PITPNM2: variants seen among roughly 807,000 people sequenced by gnomAD.
PITPNM2 encodes the protein membrane-associated phosphatidylinositol transfer protein 2.
A neutral mutation model predicts 132.2 loss-of-function variants in PITPNM2; 35 were observed. That is an observed-to-expected ratio of 0.26 (90% confidence interval 0.20 to 0.35). The LOEUF is 0.35. Among genes scored for constraint, PITPNM2 ranks in the 10% least tolerant of loss-of-function variants. The pLI, the probability that PITPNM2 is intolerant of heterozygous loss-of-function variation, is 1.00. For synonymous variants in PITPNM2, 738 were observed against 799.2 expected (o/e 0.92, Z 1.29); for missense variants, 1,332 against 1,912.0 (o/e 0.70, Z 5.66).
At position 122,999,900 on chromosome 12, in the gene PITPNM2, G is replaced by C. The variant is rs370607398; in HGVS notation, c.1224+878C>G. ...CAGGCCCCTTCTGCCCCTCCCCTGG[G>C]GGGGCGTCAGAGCTGTGTGTGCTGC... On this transcript the variant is annotated intron_variant, in intron 10 of 25. Transcript: ENST00000320201. 1.2e-3 allele frequency among the ~76,000 whole-genome samples: 188 copies of C among 152,320 alleles called. 1 individual carries two copies. Among genetic ancestry groups the C allele is most frequent in the Middle Eastern group, 0.01 (3 of 294 alleles).
At chr12:123,034,301 G>C (rs1032293773) in intron 3 of PITPNM2, 7 of 535,120 alleles carry the variant, frequency 1.3e-5, no homozygotes, top group East Asian at 2.9e-5. Context: ...CACAGTGCCG[G>C]AAAGCAATCT....
At chr12:123,096,936 A>G (rs1333263295) in intron 2 of PITPNM2, among the ~76,000 whole-genome samples, 2 of 152,220 alleles carry the variant, frequency 1.3e-5, no homozygotes, top group Admixed American at 1.3e-4. Context: ...AGGATGCTGG[A>G]CTGGTGCCAC....
chr12:123,024,171 T>C (rs2039771401), intron 3 of PITPNM2, among the ~76,000 whole-genome samples: 1 of 152,192 alleles, frequency 6.6e-6, no homozygotes, highest in Non-Finnish European at 1.5e-5. Context: ...AACGAGCAAA[T>C]GAAAAGATGC....
Position 122,992,671 on chromosome 12 carries a change from T to TG in PITPNM2, c.2234-3dup. The TG allele has an allele frequency of 6.7e-7, 1 of 1,498,040 alleles. No individual in the cohort carries two copies. The highest frequency in any genetic ancestry group is 9.0e-7 in the Non-Finnish European group (1 of 1,117,264). 92.8% of individuals were successfully genotyped at this position (1,498,040 alleles called of 1,614,324 possible). A position where few individuals can be genotyped will look rare whatever the true frequency, so the allele number is the denominator to read the frequency against. On this transcript the variant is annotated splice_polypyrimidine_tract_variant and splice_region_variant and intron_variant, in intron 15 of 25. Coordinates refer to ENST00000320201, the MANE Select transcript of PITPNM2 (RefSeq NM_020845.3). This position sits in a 1 kb window ranked among gnomAD's most constrained non-coding sequence, Gnocchi z 6.5. ...GGCAGGCCGGCCGCAGCTGGAAAAC[T>TG]GGGGGTGGGGGTGTTGGCTGCAGAG...
intron 2 of PITPNM2, among the ~76,000 whole-genome samples, chr12:123,049,286 C>T (rs2040781815): frequency 6.6e-6 from 1 of 152,190 alleles, no homozygotes; most frequent in Non-Finnish European, 1.5e-5. Context: ...GGTTCCATGC[C>T]TAGGACGCCC....
intron 1 of PITPNM2, among the ~76,000 whole-genome samples, chr12:123,137,538 C>A (rs996735882): frequency 2.6e-5 from 4 of 152,194 alleles, no homozygotes; most frequent in Non-Finnish European, 5.9e-5. Flanking sequence ...TGAATCCACA[C>A]AGCAGCCTTG....
At chr12:123,135,309 T>A (rs1616181) in intron 1 of PITPNM2, among the ~76,000 whole-genome samples, 101,508 of 151,978 alleles carry the variant, frequency 0.67, 36,858 homozygotes, top group East Asian at 0.97. Flanking sequence ...CTAGGAATAA[T>A]GTACTTTCAT....
intron 1 of PITPNM2, among the ~76,000 whole-genome samples, chr12:123,119,077 T>G (rs12317784): frequency 0.14 from 21,136 of 152,114 alleles, 4,837 homozygotes; most frequent in African/African-American, 0.48. Flanking sequence ...TCAGCGTTGA[T>G]GACAATAGCC....
intron 3 of PITPNM2, among the ~76,000 whole-genome samples, chr12:123,024,180 G>A (rs2039771705): frequency 6.6e-6 from 1 of 152,178 alleles, no homozygotes; most frequent in African/African-American, 2.4e-5. Context: ...ATGAAAAGAT[G>A]CTCAACATCA....
Position 123,082,836 on chromosome 12 carries a change from C to T in PITPNM2, c.-96+27549G>A, listed in dbSNP as rs1390633474. ...CCTTCTCCAGAACCAATTCACCTTC[C>T]CCAGCTGAACTCTACACATTAAACA... On this transcript the variant is annotated intron_variant, in intron 2 of 25. Transcript: ENST00000320201. This position sits in a 1 kb window ranked among gnomAD's most constrained non-coding sequence, Gnocchi z 5.4. The T allele has an allele frequency of 6.6e-6, 1 of 152,268 alleles. No homozygotes were observed. The highest frequency in any genetic ancestry group is 1.5e-5 in the Non-Finnish European group (1 of 68,086). 9.4% of individuals were successfully genotyped at this position (152,268 alleles called of 1,614,324 possible).
At chr12:123,131,258 G>A (rs2043255761) in intron 1 of PITPNM2, among the ~76,000 whole-genome samples, 1 of 152,168 alleles carries the variant, frequency 6.6e-6, no homozygotes, top group African/African-American at 2.4e-5. Context: ...TAAGAGAAAA[G>A]TCACAGAGGC....
At chr12:123,098,996 C>T (rs1415607354) in intron 2 of PITPNM2, among the ~76,000 whole-genome samples, 1 of 152,208 alleles carries the variant, frequency 6.6e-6, no homozygotes, top group Non-Finnish European at 1.5e-5. Flanking sequence ...AATGCTCCCT[C>T]TTGTATGAAA....
At chr12:123,139,868 T>C (rs1023602337) in intron 1 of PITPNM2, among the ~76,000 whole-genome samples, 1 of 152,222 alleles carries the variant, frequency 6.6e-6, no homozygotes. Flanking sequence ...TTTCCAGGTA[T>C]GACTTATTAT....
At position 123,064,625 on chromosome 12, in the gene PITPNM2, C is replaced by A. The variant is rs2041355005; in HGVS notation, c.-95-29940G>T. On this transcript the variant is annotated intron_variant, in intron 2 of 25. Transcript: ENST00000320201. This position sits in a 1 kb window ranked among gnomAD's most constrained non-coding sequence, Gnocchi z 4.0. The stretch of plus-strand genomic sequence containing the variant: ...CTGACTGGGTCAAAAACAAAACGAG[C>A]CCAGCAACACCCCTGTGTCAACAGG... Among the ~76,000 whole-genome samples, 1 of 152,188 alleles carries A rather than the reference C, an allele frequency of 6.6e-6. No homozygotes were observed. The highest frequency in any genetic ancestry group is 1.5e-5 in the Non-Finnish European group (1 of 68,038).
At chr12:123,044,192 C>A (rs1380778176) in intron 2 of PITPNM2, among the ~76,000 whole-genome samples, 1 of 152,216 alleles carries the variant, frequency 6.6e-6, no homozygotes, top group East Asian at 1.9e-4. Flanking sequence ...GCTACAAAAT[C>A]GTAGGCTGGG....
intron 10 of PITPNM2, among the ~76,000 whole-genome samples, chr12:122,999,348 C>G (rs1320489270): frequency 1.3e-5 from 2 of 152,192 alleles, no homozygotes; most frequent in African/African-American, 2.4e-5. Flanking sequence ...CACAAACACA[C>G]TCAGCCCAGG....
Position 122,993,841 on chromosome 12 carries a change from C to T in PITPNM2, c.2233+960G>A, listed in dbSNP as rs2038302008. 6.6e-6 allele frequency among the ~76,000 whole-genome samples: 1 copy of T among 152,138 alleles called. No homozygotes were observed. The highest frequency in any genetic ancestry group is 1.5e-5 in the Non-Finnish European group (1 of 68,030). ...GTCGCCAGTTTATGGAAGGGGAAGG[C>T]ACTTGGGTGCTGAGTCCAGAGGTCT... On this transcript the variant is annotated intron_variant, in intron 15 of 25. Coordinates refer to ENST00000320201, the MANE Select transcript of PITPNM2 (RefSeq NM_020845.3). The surrounding 1 kb of genome is among the most constrained non-coding windows in gnomAD (Gnocchi z 5.2).
chr12:123,013,476 T>C (rs772847380), intron 4 of PITPNM2, among the ~76,000 whole-genome samples: 1 of 152,234 alleles, frequency 6.6e-6, no homozygotes, highest in Non-Finnish European at 1.5e-5. Flanking sequence ...CCTCAGTTTC[T>C]TTCCAGAAGG....
At chr12:123,104,271 G>A (rs1413198974) in intron 2 of PITPNM2, among the ~76,000 whole-genome samples, 4 of 152,186 alleles carry the variant, frequency 2.6e-5, no homozygotes, top group East Asian at 1.9e-4. Context: ...CAACAGGCTC[G>A]CAGCCCCCAC....
Sources: allele counts gnomAD v4.1 joint callset (sites outside exome capture counted in the v4.1 genomes callset), GRCh38; gene constraint gnomAD v4.1.1; non-coding constraint Gnocchi (gnomAD v3.1); transcripts MANE v1.5; gene names NCBI Gene and HGNC (gene_info 2026-07-23, HGNC 2026-07-21).